Variants in MCIDAS observed in about 807,000 individuals in gnomAD.
The protein encoded by MCIDAS is multicilin.
A neutral mutation model predicts 35.4 loss-of-function variants in MCIDAS; 23 were observed. The ratio of observed to expected loss-of-function variants is 0.65; its 90% CI spans 0.47 to 0.92. The LOEUF is 0.92. Ranked by LOEUF, MCIDAS falls within the 40% of genes least tolerant of loss-of-function variation. The pLI is 0.00. For synonymous variants in MCIDAS, 228 were observed against 235.2 expected, an observed-to-expected ratio of 0.97 and a Z score of 0.28; for missense variants, 480 against 531.8, an observed-to-expected ratio of 0.90 and a Z score of 0.96.
intron 3 of MCIDAS, among the ~76,000 whole-genome samples, chr5:55,225,128 A>G (rs868125612): frequency 7.4e-4 from 113 of 152,274 alleles, no homozygotes; most frequent in African/African-American, 2.6e-3. Flanking sequence ...GGATCGCCTG[A>G]GCCTGGGAGG....
chr5:55,222,374 G>T lies in MCIDAS; in HGVS notation c.408C>A (p.Thr136=). Residue 136 remains threonine (T), a synonymous_variant, in exon 5 of 7, where the codon ACC becomes ACA. Coordinates refer to ENST00000513312, the MANE Select transcript of MCIDAS (RefSeq NM_001190787.3). ...AGAAGGGGAAGTCTCCGCTGGCCAGGGTAGGCGACATCATAGAGGATGAGT... is the reference window on the plus strand; with the variant it reads ...AGAAGGGGAAGTCTCCGCTGGCCAGTGTAGGCGACATCATAGAGGATGAGT... The part of the protein sequence containing the change: ...ISDSSSMMSP[T]LASGDFPFSP... 7 of 1,520,564 alleles carry T rather than the reference G, an allele frequency of 4.6e-6. No individual in the cohort carries two copies. The highest frequency in any genetic ancestry group is 1.4e-5 in the African/African-American group (1 of 72,774). 94.2% of individuals were successfully genotyped at this position (1,520,564 alleles called of 1,614,324 possible). A position where few individuals can be genotyped will look rare whatever the true frequency, so the allele number is the denominator to read the frequency against.
rs1273697191 is a variant in MCIDAS, at chr5:55,221,078, C to A, written c.655G>T (p.Glu219Ter). 2.0e-6 allele frequency: 3 copies of A among 1,536,120 alleles called. No individual in the cohort carries two copies. Among genetic ancestry groups the A allele is most frequent in the Non-Finnish European group, 2.6e-6 (3 of 1,146,920 alleles). The change falls in exon 6 of 7, where the codon GAG (glutamate) becomes TAG (stop). Residue 219 changes from glutamate (E) to a stop codon, truncating the protein, a stop_gained. Transcript: ENST00000513312. LOFTEE classifies it high-confidence loss of function. ...AGTTCCTTCAGCTGCACGTTCCGCT[C>A]CTTGAGCGAGGCGATCTCCTCCTGT... Reference protein sequence around the residue: ...QKQEEIASLKERNVQLKELAS... With the variant: ...QKQEEIASLK
rs1367078150 is a variant in MCIDAS, at chr5:55,223,893, G to T, written c.310-870C>A. 6.6e-6 allele frequency among the ~76,000 whole-genome samples: 1 copy of T among 152,034 alleles called. No individual in the cohort carries two copies. Among genetic ancestry groups the T allele is most frequent in the Non-Finnish European group, 1.5e-5 (1 of 68,006 alleles). ...CCAACATTATGAACTGTACTCTCCC[G>T]GCCTCCTGCAGAGTGTCTGGGTGTG... On this transcript the variant is annotated intron_variant, in intron 3 of 6. Coordinates refer to ENST00000513312, the MANE Select transcript of MCIDAS (RefSeq NM_001190787.3). This position sits in a 1 kb window ranked among gnomAD's most constrained non-coding sequence, Gnocchi z 4.4.
At position 55,220,679 on chromosome 5, in the gene MCIDAS, G is replaced by C; in HGVS notation, c.845C>G (p.Ala282Gly). ...AAGQDCAEVD[A>G]ILREISERCD... ...GCGCTCGGAAATCTCCCTCAGGATG[G>C]CGTCCACTTCCGCGCAATCCTGCCC... Residue 282 changes from alanine to glycine, a missense_variant, in exon 7 of 7, where the codon GCC (alanine) becomes GGC (glycine). Transcript: ENST00000513312. 3 of 1,536,070 alleles carry C rather than the reference G, an allele frequency of 2.0e-6. No individual in the cohort carries two copies. The highest frequency in any genetic ancestry group is 2.6e-6 in the Non-Finnish European group (3 of 1,146,854).
chr5:55,227,281 G>T lies in MCIDAS; in HGVS notation c.-143C>A. On this transcript the variant is annotated 5_prime_UTR_variant, in exon 1 of 7. Coordinates refer to ENST00000513312, the MANE Select transcript of MCIDAS (RefSeq NM_001190787.3). ...GCAGGCGCGTGACCGAGAAGGAGCC[G>T]AGGGGCTGCCGAGGAGGTGCTGAGA... 8.7e-7 allele frequency: 1 copy of T among 1,155,024 alleles called. No individual in the cohort carries two copies. The highest frequency in any genetic ancestry group is 1.1e-6 in the Non-Finnish European group (1 of 884,264). The allele number at this position is 1,155,024 out of a possible 1,614,324, so 71.5% of individuals were successfully genotyped here.
In MCIDAS at chr5:55,220,568, AGGTTCCCG is replaced by A. The variant is rs1199974153; in HGVS notation, c.948_955del (p.Gly317AlafsTer22). The A allele has an allele frequency of 6.5e-7, 1 of 1,535,952 alleles. No individual in the cohort carries two copies. The highest frequency in any genetic ancestry group is 8.7e-7 in the Non-Finnish European group (1 of 1,146,852). ...GCGCAGCCCCCGGAAGGCGCCATGC[AGGTTCCCG>A]GGCCTGGTGTCAGTATTCGCGGGCT... On this transcript the variant is annotated frameshift_variant, in exon 7 of 7. Coordinates refer to ENST00000513312, the MANE Select transcript of MCIDAS (RefSeq NM_001190787.3). LOFTEE classifies it high-confidence loss of function.
Position 55,223,417 on chromosome 5 carries a change from G to A in MCIDAS, c.310-394C>T, listed in dbSNP as rs1023207013. Among the ~76,000 whole-genome samples, 2 of 152,224 alleles carry A rather than the reference G, an allele frequency of 1.3e-5. No homozygotes were observed. Among genetic ancestry groups the A allele is most frequent in the Non-Finnish European group, 2.9e-5 (2 of 68,042 alleles). The stretch of plus-strand genomic sequence containing the variant: ...GCTCCTGCAGAGCAGCTGCGTGGCG[G>A]GAATGGGTCCTTCCACCGGCGGTGC... On this transcript the variant is annotated intron_variant, in intron 3 of 6. Coordinates refer to ENST00000513312, the MANE Select transcript of MCIDAS (RefSeq NM_001190787.3). The surrounding 1 kb of genome is among the most constrained non-coding windows in gnomAD (Gnocchi z 4.4).
At chr5:55,222,142 C>G in intron 5 of MCIDAS, 34 bp downstream of exon 5, 1 of 1,527,456 alleles carries the variant, frequency 6.5e-7, no homozygotes, top group Non-Finnish European at 8.8e-7. Context: ...TGTCCCTGCC[C>G]CAGGATTCCT....
Position 55,220,790 on chromosome 5 carries a change from T to G in MCIDAS, c.734A>C (p.Gln245Pro). 1 of 1,527,290 alleles carries G rather than the reference T, an allele frequency of 6.5e-7. No individual in the cohort carries two copies. Among genetic ancestry groups the G allele is most frequent in the Non-Finnish European group, 8.8e-7 (1 of 1,140,018 alleles). 94.6% of individuals were successfully genotyped at this position (1,527,290 alleles called of 1,614,324 possible). Residue 245 changes from glutamine to proline, a missense_variant, in exon 7 of 7, where the codon CAG becomes CCG. Gln to Pro is a moderately conservative substitution (Grantham distance 76). Transcript: ENST00000513312. ...ASVLDKLMITQSRDCGAAAEP... is the reference protein window; with the variant it reads ...ASVLDKLMITPSRDCGAAAEP... ...GGCCGCCGCCCCACAATCCCGGGAC[T>G]GTGTGATCATCAGCTTCTACGAAAG...
intron 5 of MCIDAS, 69 bp downstream of exon 5, chr5:55,222,107 A>C: frequency 5.5e-6 from 8 of 1,452,584 alleles, no homozygotes; most frequent in Non-Finnish European, 7.4e-6. Flanking sequence ...CTCCCTTGCA[A>C]ACCCCACTTC....
chr5:55,224,013 C>T (rs1745411963), intron 3 of MCIDAS, among the ~76,000 whole-genome samples: 2 of 152,102 alleles, frequency 1.3e-5, no homozygotes, highest in Non-Finnish European at 2.9e-5. Flanking sequence ...CGCTTTTACA[C>T]AGTCTCTCAG....
Position 55,222,305 on chromosome 5 carries a change from T to C in MCIDAS, c.477A>G (p.Pro159=). The C allele has an allele frequency of 2.6e-6, 4 of 1,535,640 alleles. No individual in the cohort carries two copies. The highest frequency in any genetic ancestry group is 3.5e-6 in the Non-Finnish European group (4 of 1,146,660). ...ISPFGPCLSP[P]LDPRALQSPP... ...GTGACTGCAGGGCCCGTGGGTCCAG[T>C]GGCGGGGAGAGGCAGGGCCCGAATG... Residue 159 remains proline, a synonymous_variant, in exon 5 of 7, where the codon CCA becomes CCG. Transcript: ENST00000513312.
At chr5:55,224,318 C>T (rs1187922187) in intron 3 of MCIDAS, among the ~76,000 whole-genome samples, 2 of 151,998 alleles carry the variant, frequency 1.3e-5, no homozygotes, top group East Asian at 1.9e-4. Context: ...CATTCCTTTG[C>T]GCTCATCATA....
Position 55,223,966 on chromosome 5 carries a change from G to T in MCIDAS, c.310-943C>A, listed in dbSNP as rs1020666279. Reference sequence around the variant, plus strand: ...GGGCTGGAGGCGCATAGGCCTTCTTGTTCCCTTAATTCATGGACATTTAGA... The same window carrying T: ...GGGCTGGAGGCGCATAGGCCTTCTTTTTCCCTTAATTCATGGACATTTAGA... On this transcript the variant is annotated intron_variant, in intron 3 of 6. Coordinates refer to ENST00000513312, the MANE Select transcript of MCIDAS (RefSeq NM_001190787.3). The surrounding 1 kb of genome is among the most constrained non-coding windows in gnomAD (Gnocchi z 4.4). 5.3e-5 allele frequency among the ~76,000 whole-genome samples: 8 copies of T among 152,276 alleles called. No homozygotes were observed. The highest frequency in any genetic ancestry group is 7.4e-5 in the Non-Finnish European group (5 of 68,024).
In MCIDAS at chr5:55,223,471, G is replaced by A. The variant is rs923598367; in HGVS notation, c.310-448C>T. On this transcript the variant is annotated intron_variant, in intron 3 of 6. Coordinates refer to ENST00000513312, the MANE Select transcript of MCIDAS (RefSeq NM_001190787.3). This position sits in a 1 kb window ranked among gnomAD's most constrained non-coding sequence, Gnocchi z 4.4. ...GGCCCTGCGCCGGCTCCGGGCAGCCGAGTAGCCCGCCACCCACCAACTAGC... is the reference window on the plus strand; with the variant it reads ...GGCCCTGCGCCGGCTCCGGGCAGCCAAGTAGCCCGCCACCCACCAACTAGC... Among the ~76,000 whole-genome samples the A allele has an allele frequency of 1.3e-5, 2 of 152,218 alleles. No homozygotes were observed. The highest frequency in any genetic ancestry group is 1.9e-4 in the East Asian group (1 of 5,188).
chr5:55,225,711 A>C (rs1360257870), intron 3 of MCIDAS, among the ~76,000 whole-genome samples: 1 of 152,112 alleles, frequency 6.6e-6, no homozygotes, highest in Non-Finnish European at 1.5e-5. Context: ...CAAACCCCAG[A>C]CCTATTGCCA....
rs999978492 is a variant in MCIDAS, at chr5:55,219,832, C to G, written c.*534G>C. ...TCTCCCGATTTCGTATTCTGGCCAC[C>G]AAAATAAAAATTTTCAATAGTAACA... On this transcript the variant is annotated 3_prime_UTR_variant, in exon 7 of 7. Coordinates refer to ENST00000513312, the MANE Select transcript of MCIDAS (RefSeq NM_001190787.3). 1 of 152,194 alleles carries G rather than the reference C, an allele frequency of 6.6e-6. No individual in the cohort carries two copies. The highest frequency in any genetic ancestry group is 2.4e-5 in the African/African-American group (1 of 41,440). The allele number at this position is 152,194 out of a possible 1,614,324, so 9.4% of individuals were successfully genotyped here.
chr5:55,226,988 G>A (rs986990989), intron 1 of MCIDAS, 31 bp downstream of exon 1: 2 of 1,511,288 alleles, frequency 1.3e-6, no homozygotes, highest in African/African-American at 1.4e-5. Context: ...CGAGCGCGCA[G>A]ACCCCGCCCG....
intron 3 of MCIDAS, among the ~76,000 whole-genome samples, chr5:55,224,538 G>A (rs576893135): frequency 6.6e-6 from 1 of 152,290 alleles, no homozygotes; most frequent in South Asian, 2.1e-4. Flanking sequence ...CCCCAGACAA[G>A]TCCTGGAGCA....
Sources: allele counts gnomAD v4.1 joint callset (sites outside exome capture counted in the v4.1 genomes callset), GRCh38; gene constraint gnomAD v4.1.1; non-coding constraint Gnocchi (gnomAD v3.1); transcripts MANE v1.5; gene names NCBI Gene and HGNC (gene_info 2026-07-23, HGNC 2026-07-21).